RAP1GAP2: variants seen among roughly 807,000 people sequenced by gnomAD.
The protein encoded by RAP1GAP2 is RAP1 GTPase activating protein 2, also known as rap1 GTPase-activating protein 2.
In RAP1GAP2, 27 loss-of-function variants were observed where a neutral mutation model predicts 95.0. That is an observed-to-expected ratio of 0.28 (90% confidence interval 0.21 to 0.39). The LOEUF (loss-of-function observed/expected upper bound fraction) is 0.39. Ranked by LOEUF, RAP1GAP2 falls within the 10% of genes least tolerant of loss-of-function variation. The pLI, the probability that RAP1GAP2 is intolerant of heterozygous loss-of-function variation, is 1.00. For synonymous variants in RAP1GAP2, 373 were observed against 380.9 expected, an observed-to-expected ratio of 0.98 and a Z score of 0.24; for missense variants, 771 against 970.0, an observed-to-expected ratio of 0.79 and a Z score of 2.72.
intron 4 of RAP1GAP2, 117 bp downstream of exon 4, chr17:2,957,911 G>C: frequency 1.8e-6 from 2 of 1,103,230 alleles, no homozygotes; most frequent in Non-Finnish European, 2.5e-6. Flanking sequence ...GTGCAGAGAA[G>C]AGACAATTGC....
intron 17 of RAP1GAP2, among the ~76,000 whole-genome samples, chr17:3,013,339 G>A (rs1399978479): frequency 2.0e-5 from 3 of 152,240 alleles, no homozygotes; most frequent in Non-Finnish European, 2.9e-5. Flanking sequence ...CTGATGGGGA[G>A]TTGTGATGTC....
chr17:2,957,925 C>T, intron 4 of RAP1GAP2, 131 bp downstream of exon 4: 2 of 1,008,696 alleles, frequency 2.0e-6, no homozygotes, highest in Non-Finnish European at 2.8e-6. Flanking sequence ...CAATTGCATC[C>T]CCTTGGCCCA....
At chr17:2,919,943 C>A (rs189962664) in intron 3 of RAP1GAP2, among the ~76,000 whole-genome samples, 108 of 151,902 alleles carry the variant, frequency 7.1e-4, no homozygotes, top group African/African-American at 2.4e-3. Context: ...TCAGGTGATC[C>A]GCCCGCCTCG....
chr17:2,767,718 G>A (rs1411393679), intron 1 of RAP1GAP2, among the ~76,000 whole-genome samples: 2 of 150,950 alleles, frequency 1.3e-5, no homozygotes, highest in African/African-American at 2.4e-5. Flanking sequence ...CTATATGGAT[G>A]TACCATAATT....
chr17:2,995,861 T>C (rs1366606898), intron 13 of RAP1GAP2, among the ~76,000 whole-genome samples: 2 of 152,054 alleles, frequency 1.3e-5, no homozygotes, highest in Admixed American at 6.5e-5. Context: ...AAAGGGTGCA[T>C]GGTGGGGTTT....
At chr17:3,032,008 C>T (rs1028897148) in intron 23 of RAP1GAP2, among the ~76,000 whole-genome samples, 42 of 149,964 alleles carry the variant, frequency 2.8e-4, no homozygotes, top group Admixed American at 6.6e-4. Context: ...TCCAGACTAT[C>T]GAGAGCTCCA....
intron 3 of RAP1GAP2, among the ~76,000 whole-genome samples, chr17:2,939,095 T>C (rs1241492621): frequency 1.3e-5 from 2 of 152,218 alleles, no homozygotes; most frequent in African/African-American, 4.8e-5. Context: ...ACTTATTCTT[T>C]TTTTTTCTTT....
At chr17:2,957,487 G>T (rs1031565096) in intron 3 of RAP1GAP2, among the ~76,000 whole-genome samples, 5 of 152,228 alleles carry the variant, frequency 3.3e-5, no homozygotes, top group Non-Finnish European at 7.3e-5. Context: ...GGGCCGGCAG[G>T]CCCCTTTCCT....
chr17:2,775,666 T>C (rs191340462), upstream of RAP1GAP2, among the ~76,000 whole-genome samples: 1 of 152,292 alleles, frequency 6.6e-6, no homozygotes, highest in Non-Finnish European at 1.5e-5. Context: ...AACGGCTTTC[T>C]AGCACTTAGA....
chr17:2,987,961 C>T (rs989998523), intron 11 of RAP1GAP2, among the ~76,000 whole-genome samples: 12 of 152,214 alleles, frequency 7.9e-5, no homozygotes, highest in African/African-American at 2.9e-4. Flanking sequence ...GCTGTTTGTA[C>T]ATCCTGCTAC....
rs532937412 is a variant in RAP1GAP2, at chr17:2,851,817, TCCAC to T, written c.80+51269_80+51272del. Among the ~76,000 whole-genome samples, 528 of 152,276 alleles carry T rather than the reference TCCAC, an allele frequency of 3.5e-3. 3 individuals are homozygous for T. The highest frequency in any genetic ancestry group is 6.0e-3 in the Non-Finnish European group (407 of 68,014). On this transcript the variant is annotated intron_variant, in intron 2 of 24. Coordinates refer to ENST00000254695, the MANE Select transcript of RAP1GAP2 (RefSeq NM_015085.5). ...GAACTCCTGGTCTCAACTCAAGTGATCCACCTGCCTGCCTCGGCCTTCCAAAGTG... is the reference window on the plus strand; with the variant it reads ...GAACTCCTGGTCTCAACTCAAGTGATCTGCCTGCCTCGGCCTTCCAAAGTG...
intron 2 of RAP1GAP2, among the ~76,000 whole-genome samples, chr17:2,862,010 G>T (rs548451392): frequency 6.6e-6 from 1 of 152,278 alleles, no homozygotes; most frequent in Admixed American, 6.5e-5. Context: ...ATTGGGGACT[G>T]TCTCCCTTCT....
At chr17:2,982,571 GCTGTTTTAGCAT>G (rs2045407209) in intron 10 of RAP1GAP2, among the ~76,000 whole-genome samples, 1 of 152,176 alleles carries the variant, frequency 6.6e-6, no homozygotes, top group South Asian at 2.1e-4. Context: ...CCTCTGTTTA[GCTGTTTTAGCAT>G]CTGTTGATAC....
chr17:2,923,624 G>A (rs2042863648), intron 3 of RAP1GAP2, among the ~76,000 whole-genome samples: 2 of 151,452 alleles, frequency 1.3e-5, no homozygotes, highest in Admixed American at 6.6e-5. Context: ...CTGAGCCAAT[G>A]TGCCCGGCTG....
intron 3 of RAP1GAP2, among the ~76,000 whole-genome samples, chr17:2,936,077 C>G (rs1301500581): frequency 6.6e-6 from 1 of 151,650 alleles, no homozygotes; most frequent in Non-Finnish European, 1.5e-5. Context: ...GTCTCCACCT[C>G]CAGTGGCCGG....
chr17:2,804,730 A>G (rs1452841531), intron 2 of RAP1GAP2, among the ~76,000 whole-genome samples: 1 of 152,194 alleles, frequency 6.6e-6, no homozygotes, highest in Non-Finnish European at 1.5e-5. Context: ...ACTGCAGTGC[A>G]GGGGTACAGG....
intron 2 of RAP1GAP2, among the ~76,000 whole-genome samples, chr17:2,800,843 CTT>C (rs2069258808): frequency 2.6e-5 from 1 of 39,180 alleles, no homozygotes. Flanking sequence ...CTTTTTCTTT[CTT>C]TCTTTCTTTC....
chr17:2,997,856 G>T lies in RAP1GAP2; in HGVS notation c.1045-365G>T, dbSNP rs9900250. 1.1e-3 allele frequency among the ~76,000 whole-genome samples: 166 copies of T among 151,084 alleles called. 2 individuals are homozygous for T. Among genetic ancestry groups the T allele is most frequent in the African/African-American group, 4.0e-3 (163 of 41,084 alleles). ...GAGAATCACTTGAACCCAGGAGGCG[G>T]AGGTTGCAGTGAGCCGAGATCGTGC... On this transcript the variant is annotated intron_variant, in intron 13 of 24. Coordinates refer to ENST00000254695, the MANE Select transcript of RAP1GAP2 (RefSeq NM_015085.5).
chr17:2,815,289 C>T (rs1474431431), intron 2 of RAP1GAP2, among the ~76,000 whole-genome samples: 2 of 152,044 alleles, frequency 1.3e-5, no homozygotes, highest in African/African-American at 4.8e-5. Flanking sequence ...TGACCTGGGG[C>T]AGGCTGCGCA....
Sources: gnomAD v4.1 joint callset for allele counts (sites outside exome capture counted in the v4.1 genomes callset) on GRCh38, gnomAD v4.1.1 for gene constraint, MANE v1.5 for transcripts, NCBI Gene and HGNC (gene_info 2026-07-23, HGNC 2026-07-21) for gene names.